The following CPSF7 variants were observed in gnomAD, a reference collection of about 807,000 sequenced individuals.
CPSF7 encodes cleavage and polyadenylation specificity factor subunit 7.
Under a neutral mutation model 44.3 loss-of-function variants are expected in CPSF7, and 1 was observed. The observed-to-expected ratio is 0.02, with a 90% CI of 0.01 to 0.11. The LOEUF is 0.11. Among genes scored for constraint, CPSF7 ranks in the 10% least tolerant of loss-of-function variants. The pLI is 1.00. For synonymous variants in CPSF7, 202 were observed against 222.0 expected, an observed-to-expected ratio of 0.91 and a Z score of 0.80; for missense variants, 443 against 607.2, an observed-to-expected ratio of 0.73 and a Z score of 2.84.
At position 61,420,894 on chromosome 11, in the gene CPSF7, AC is replaced by A. The variant is rs762693895; in HGVS notation, c.274-322del. On this transcript the variant is annotated intron_variant, in intron 3 of 9. Transcript: ENST00000439958. Reference sequence around the variant, plus strand: ...TTATAGATCTGTCAGGCTAGAGTTGACCATTGCCAGAACTTCCCCCACAGTA... The same window carrying A: ...TTATAGATCTGTCAGGCTAGAGTTGACATTGCCAGAACTTCCCCCACAGTA... 7.0e-4 allele frequency: 346 copies of A among 495,522 alleles called. 1 individual carries two copies. Among genetic ancestry groups the A allele is most frequent in the Non-Finnish European group, 9.8e-4 (260 of 266,418 alleles). 30.7% of individuals were successfully genotyped at this position (495,522 alleles called of 1,614,324 possible).
intron 2 of CPSF7, among the ~76,000 whole-genome samples, chr11:61,424,100 C>G (rs1223832152): frequency 6.6e-6 from 1 of 152,152 alleles, no homozygotes; most frequent in African/African-American, 2.4e-5. Flanking sequence ...CAAATAAGCA[C>G]AGGAAGCTTG....
chr11:61,426,143 A>G (rs774032823), intron 2 of CPSF7, among the ~76,000 whole-genome samples: 16 of 152,220 alleles, frequency 1.1e-4, no homozygotes, highest in Non-Finnish European at 2.2e-4. Flanking sequence ...AATAAGCACC[A>G]TAGGGTTCCA....
At position 61,416,210 on chromosome 11, in the gene CPSF7, G is replaced by A. The variant is rs1860325259; in HGVS notation, c.833C>T (p.Pro278Leu). 6.5e-7 allele frequency: 1 copy of A among 1,528,914 alleles called. No homozygotes were observed. The highest frequency in any genetic ancestry group is 8.8e-7 in the Non-Finnish European group (1 of 1,140,678). 94.7% of individuals were successfully genotyped at this position (1,528,914 alleles called of 1,614,324 possible). Residue 278 changes from proline (P) to leucine (L), a missense_variant, in exon 6 of 10, where the codon CCT (proline) becomes CTT (leucine). By Grantham distance (98) the Pro-to-Leu change is moderately conservative (BLOSUM62 -3). Transcript: ENST00000439958. ...LAVPPPGAIP[P>L]ALHLNPAFFP... ...GAAGGCTGGATTGAGGTGAAGGGCA[G>A]GTGGGATGGCCCCAGGGGGAGGTAC...
At chr11:61,423,105 C>CAAAAAAA (rs71471824) in intron 2 of CPSF7, among the ~76,000 whole-genome samples, 74 of 51,872 alleles carry the variant, frequency 1.4e-3, no homozygotes, top group East Asian at 2.3e-3. Flanking sequence ...GACCCCATAT[C>CAAAAAAA]AAAAAAAAAA....
At chr11:61,426,318 G>A (rs1410423698) in intron 2 of CPSF7, 1 of 151,972 alleles carries the variant, frequency 6.6e-6, no homozygotes, top group East Asian at 1.9e-4. Flanking sequence ...TCTAGCCAAA[G>A]TTTTTTTGTT....
At position 61,411,815 on chromosome 11, in the gene CPSF7, T is replaced by C. The variant is rs781239451; in HGVS notation, c.1180A>G (p.Ile394Val). 1.2e-5 allele frequency: 19 copies of C among 1,613,836 alleles called. No individual in the cohort carries two copies. In the South Asian group the frequency reaches 2.1e-4, roughly 18 times the overall value. Residue 394 changes from isoleucine (I) to valine (V), a missense_variant, in exon 8 of 10, where the codon ATC (isoleucine) becomes GTC (valine). Ile to Val is a conservative substitution (Grantham distance 29, BLOSUM62 3). Coordinates refer to ENST00000439958, the MANE Select transcript of CPSF7 (RefSeq NM_001142565.3). ...ISSLKDCLHG[I>V]EAKSYSVGAS... is the part of the protein sequence containing the mutation. ...CCCACACTGTAGGACTTGGCTTCGA[T>C]GCCATGAAGACAGTCCTTAAGAGAG...
rs1295919902 is a variant in CPSF7, at chr11:61,420,458, T to A, written c.377+12A>T. The A allele has an allele frequency of 6.2e-7, 1 of 1,602,292 alleles. No homozygotes were observed. Among genetic ancestry groups the A allele is most frequent in the South Asian group, 1.1e-5 (1 of 90,848 alleles). On this transcript the variant is annotated intron_variant, in intron 4 of 9. Transcript: ENST00000439958. Reference sequence around the variant, plus strand: ...TACAAATTAAAAGGGGCTTCTCAAATCCAGACCTCACCCTTTGGACTGGCC... The same window carrying A: ...TACAAATTAAAAGGGGCTTCTCAAAACCAGACCTCACCCTTTGGACTGGCC...
At chr11:61,413,608 T>C (rs1341126411) in intron 7 of CPSF7, among the ~76,000 whole-genome samples, 2 of 148,622 alleles carry the variant, frequency 1.3e-5, no homozygotes. Context: ...TACTCCAGCT[T>C]GGGCAATAGA....
In CPSF7 at chr11:61,410,918, G is replaced by C. The variant is rs764518218; in HGVS notation, c.*5+20C>G. The C allele has an allele frequency of 6.5e-7, 1 of 1,547,042 alleles. No individual in the cohort carries two copies. Among genetic ancestry groups the C allele is most frequent in the Non-Finnish European group, 8.7e-7 (1 of 1,150,938 alleles). ...TTAATAAAAAATCCCCCAGCAGCCA[G>C]GAACGGGGCTTCTCCCCACCTTTCT... On this transcript the variant is annotated intron_variant, in intron 9 of 9. Coordinates refer to ENST00000439958, the MANE Select transcript of CPSF7 (RefSeq NM_001142565.3).
rs1472443447 is a variant in CPSF7, at chr11:61,404,340, A to G, written c.*370T>C. Reference sequence around the variant, plus strand: ...CATGGAGGATCTATTTTCTTTGGGAAGGAAGTCTTCCCATCAACCTCACCA... The same window carrying G: ...CATGGAGGATCTATTTTCTTTGGGAGGGAAGTCTTCCCATCAACCTCACCA... On this transcript the variant is annotated 3_prime_UTR_variant, in exon 10 of 10. Coordinates refer to ENST00000439958, the MANE Select transcript of CPSF7 (RefSeq NM_001142565.3). 6.6e-6 allele frequency: 1 copy of G among 152,584 alleles called. No homozygotes were observed. The highest frequency in any genetic ancestry group is 2.4e-5 in the African/African-American group (1 of 41,420). 9.5% of individuals were successfully genotyped at this position (152,584 alleles called of 1,614,324 possible).
At chr11:61,408,439 C>T (rs1859533029) in intron 9 of CPSF7, among the ~76,000 whole-genome samples, 4 of 152,054 alleles carry the variant, frequency 2.6e-5, no homozygotes, top group South Asian at 4.1e-4. Flanking sequence ...TGATGTGAGA[C>T]AGAGAAATGG....
intron 2 of CPSF7, among the ~76,000 whole-genome samples, chr11:61,428,354 T>A (rs1357289317): frequency 6.6e-6 from 1 of 152,162 alleles, no homozygotes; most frequent in Non-Finnish European, 1.5e-5. Flanking sequence ...CGTTGTTGTT[T>A]TTTTTTACAT....
chr11:61,413,183 C>T (rs964130935), intron 7 of CPSF7, among the ~76,000 whole-genome samples: 1 of 152,104 alleles, frequency 6.6e-6, no homozygotes, highest in African/African-American at 2.4e-5. Flanking sequence ...CCTGGGCCTC[C>T]TAAAGTGCTG....
chr11:61,413,802 G>A (rs1333511297), intron 7 of CPSF7, among the ~76,000 whole-genome samples: 1 of 152,122 alleles, frequency 6.6e-6, no homozygotes, highest in Non-Finnish European at 1.5e-5. Flanking sequence ...AAGAAAATAT[G>A]AATTCAGGCA....
chr11:61,419,928 T>C (rs372403418), intron 5 of CPSF7, 21 bp downstream of exon 5: 1 of 1,597,274 alleles, frequency 6.3e-7, no homozygotes, highest in African/African-American at 1.4e-5. Flanking sequence ...GTACCCCCTC[T>C]TGGGACTCGG....
rs1018730226 is a variant in CPSF7, at chr11:61,421,414, G to A, written c.249C>T (p.Ala83=). 8 of 1,613,906 alleles carry A rather than the reference G, an allele frequency of 5.0e-6. No individual in the cohort carries two copies. Among genetic ancestry groups the A allele is most frequent in the African/African-American group, 2.7e-5 (2 of 74,898 alleles). Residue 83 remains alanine, a synonymous_variant, in exon 3 of 10, where the codon GCC becomes GCT. Transcript: ENST00000439958. ...CCCAGGAGAAGCTGCCCACATAAAC[G>A]GCAGCTCGTCTATTACGCAGGCCAC... The part of the protein sequence containing the change: ...TYSGLRNRRA[A]VYVGSFSWWT...
intron 5 of CPSF7, among the ~76,000 whole-genome samples, chr11:61,419,024 T>C (rs983392600): frequency 6.6e-6 from 1 of 151,772 alleles, no homozygotes; most frequent in Non-Finnish European, 1.5e-5. Flanking sequence ...AGCCCCTAAC[T>C]TTTTTATTTT....
chr11:61,425,915 C>T (rs1261699345), intron 2 of CPSF7, among the ~76,000 whole-genome samples: 1 of 152,096 alleles, frequency 6.6e-6, no homozygotes, highest in Non-Finnish European at 1.5e-5. Flanking sequence ...TAAATAAATA[C>T]TTATTGATGG....
chr11:61,409,277 G>A (rs1200290194), intron 9 of CPSF7, among the ~76,000 whole-genome samples: 1 of 151,626 alleles, frequency 6.6e-6, no homozygotes, highest in Non-Finnish European at 1.5e-5. Flanking sequence ...TTCAAGACCA[G>A]CCTGGCCGAG....
Sources: gnomAD v4.1 joint callset for allele counts (sites outside exome capture counted in the v4.1 genomes callset) on GRCh38, gnomAD v4.1.1 for gene constraint, MANE v1.5 for transcripts, NCBI Gene and HGNC (gene_info 2026-07-23, HGNC 2026-07-21) for gene names.